INTS6: variants seen among roughly 807,000 people sequenced by gnomAD.
INTS6 encodes DEAD box protein.
A neutral mutation model predicts 104.9 loss-of-function variants in INTS6; 16 were observed. The ratio of observed to expected loss-of-function variants is 0.15; its 90% CI spans 0.10 to 0.23. The LOEUF is 0.23. Among genes scored for constraint, INTS6 ranks in the 10% least tolerant of loss-of-function variants. The pLI is 1.00. For synonymous variants in INTS6, 324 were observed against 358.7 expected, an observed-to-expected ratio of 0.90 and a Z score of 1.09; for missense variants, 584 against 1,062.8, an observed-to-expected ratio of 0.55 and a Z score of 6.26.
At chr13:51,374,567 C>T in intron 14 of INTS6, 87 bp downstream of exon 14, 3 of 1,537,728 alleles carry the variant, frequency 2.0e-6, no homozygotes, top group Non-Finnish European at 2.7e-6. Context: ...AGGAAAATAG[C>T]TTCAGCTTAC....
chr13:51,342,873 C>T, the INTS6 span, among the ~76,000 whole-genome samples: 1 of 152,192 alleles, frequency 6.6e-6, no homozygotes, highest in African/African-American at 2.4e-5. Context: ...TTACTACACT[C>T]AAATGCAAGC....
chr13:51,434,569 GAAT>G lies in INTS6; in HGVS notation c.340-4189_340-4187del, dbSNP rs573313906. Among the ~76,000 whole-genome samples the G allele has an allele frequency of 1.4e-4, 21 of 152,104 alleles. No individual in the cohort carries two copies. In the East Asian group the frequency reaches 3.9e-3, roughly 28 times the overall value. ...CAATAATCAGTTACTACAAAAATTA[GAAT>G]AATGATTAAGTTAATGTAATTTATA... is the stretch of plus-strand genomic sequence containing the variant. On this transcript the variant is annotated intron_variant, in intron 3 of 17. Coordinates refer to ENST00000311234, the MANE Select transcript of INTS6 (RefSeq NM_012141.3).
chr13:51,449,386 T>C (rs1036278312), intron 3 of INTS6: 8 of 801,422 alleles, frequency 1.0e-5, no homozygotes, highest in Admixed American at 6.2e-5. Context: ...TAAAGTGTTC[T>C]CTGGGGGCAG....
intron 4 of INTS6, among the ~76,000 whole-genome samples, chr13:51,419,033 G>A (rs1351006187): frequency 6.6e-6 from 1 of 152,148 alleles, no homozygotes; most frequent in Non-Finnish European, 1.5e-5. Flanking sequence ...AATGCTATAT[G>A]AGGTCCTTTG....
chr13:51,409,922 C>A (rs1956651792), intron 4 of INTS6, among the ~76,000 whole-genome samples: 1 of 151,946 alleles, frequency 6.6e-6, no homozygotes, highest in Admixed American at 6.5e-5. Context: ...TCACAGGATA[C>A]CAGGTAAAGA....
chr13:51,379,546 C>A lies in INTS6; in HGVS notation c.1302G>T (p.Met434Ile). ...TGTCTGCTATTAGGTTAGGTGCTCC[C>A]ATCATCCTAACAGCTTTCTTCAAGG... ...LGPLKKAVRMMGAPNLIADSM... is the reference protein window; with the variant it reads ...LGPLKKAVRMIGAPNLIADSM... Residue 434 changes from methionine to isoleucine, a missense_variant, in exon 11 of 18, where the codon ATG becomes ATT. This residue lies in a region of INTS6 where 144 missense variants were observed against 348.7 expected (regional missense o/e 0.41). Transcript: ENST00000311234. 6.3e-7 allele frequency: 1 copy of A among 1,598,886 alleles called. No individual in the cohort carries two copies. The highest frequency in any genetic ancestry group is 8.5e-7 in the Non-Finnish European group (1 of 1,171,374).
At chr13:51,339,571 C>G in the INTS6 span, 3 of 152,340 alleles carry the variant, frequency 2.0e-5, no homozygotes, top group Admixed American at 2.0e-4. Flanking sequence ...GGAATTTGGA[C>G]CGAGTGGTAG....
At chr13:51,413,239 C>T (rs1956723259) in intron 4 of INTS6, among the ~76,000 whole-genome samples, 1 of 151,956 alleles carries the variant, frequency 6.6e-6, no homozygotes, top group African/African-American at 2.4e-5. Context: ...TCCTATGCAC[C>T]AGCCTTGACA....
At chr13:51,344,211 A>C in the INTS6 span, 1 of 1,475,804 alleles carries the variant, frequency 6.8e-7, no homozygotes, top group East Asian at 2.3e-5. Flanking sequence ...CTCCTTACTC[A>C]CACTCACCAT....
downstream of INTS6, among the ~76,000 whole-genome samples, chr13:51,350,354 A>G (rs1308830304): frequency 6.6e-6 from 1 of 152,216 alleles, no homozygotes; most frequent in East Asian, 1.9e-4. Context: ...AATAATCAAG[A>G]AAACCAAGAA....
intron 4 of INTS6, among the ~76,000 whole-genome samples, chr13:51,405,290 G>A (rs2138008642): frequency 6.6e-6 from 1 of 152,280 alleles, no homozygotes; most frequent in Non-Finnish European, 1.5e-5. Flanking sequence ...CTTTAAGGAT[G>A]GGTTGGATTT....
chr13:51,379,657 C>CA (rs3215757), intron 10 of INTS6, 85 bp from the exon 11 acceptor site: 7,823 of 637,918 alleles, frequency 0.012, 133 homozygotes, highest in East Asian at 0.064. Flanking sequence ...AAATTTTCTC[C>CA]AAAAAATTAT....
intron 4 of INTS6, among the ~76,000 whole-genome samples, chr13:51,419,727 T>TC (rs1215355987): frequency 1.3e-5 from 2 of 152,342 alleles, no homozygotes; most frequent in Admixed American, 6.5e-5. Flanking sequence ...AAGCATCTGT[T>TC]CACTTTAACT....
intron 5 of INTS6, 74 bp from the exon 6 acceptor site, chr13:51,389,518 T>C (rs989037297): frequency 2.9e-6 from 4 of 1,388,930 alleles, no homozygotes; most frequent in Non-Finnish European, 2.8e-6. Context: ...TTCCTATCAT[T>C]AGCAAGAAAA....
intron 13 of INTS6, 102 bp downstream of exon 13, chr13:51,375,946 T>A (rs912821930): frequency 3.3e-6 from 3 of 898,512 alleles, no homozygotes; most frequent in Non-Finnish European, 4.8e-6. Flanking sequence ...AAGAATGTTA[T>A]AGTACTGTAA....
chr13:51,336,117 A>T, the INTS6 span, among the ~76,000 whole-genome samples: 1 of 152,238 alleles, frequency 6.6e-6, no homozygotes, highest in Non-Finnish European at 1.5e-5. Context: ...TCTACAAGTT[A>T]GATTAAAAAC....
intron 3 of INTS6, among the ~76,000 whole-genome samples, chr13:51,434,731 A>G (rs536347501): frequency 1.7e-3 from 233 of 139,876 alleles, no homozygotes; most frequent in South Asian, 3.6e-3. Context: ...TAGCTCCAAG[A>G]AAGTTTTCTT....
At chr13:51,450,255 C>T in intron 3 of INTS6, 1 of 984,062 alleles carries the variant, frequency 1.0e-6, no homozygotes, top group Non-Finnish European at 1.2e-6. Flanking sequence ...ATTTCCAGGG[C>T]AATAATATCA....
downstream of INTS6, among the ~76,000 whole-genome samples, chr13:51,358,288 T>C (rs538207532): frequency 6.6e-6 from 1 of 152,240 alleles, no homozygotes; most frequent in Non-Finnish European, 1.5e-5. Context: ...CAGCAAATAA[T>C]TGTAAAGACA....
Sources: allele counts gnomAD v4.1 joint callset (sites outside exome capture counted in the v4.1 genomes callset), GRCh38; gene constraint gnomAD v4.1.1; regional missense constraint gnomAD v4.1.1; transcripts MANE v1.5; gene names NCBI Gene and HGNC (gene_info 2026-07-23, HGNC 2026-07-21).